The following AASDH variants were observed in gnomAD, a reference collection of about 807,000 sequenced individuals.
AASDH encodes beta-alanine-activating enzyme.
A neutral mutation model predicts 102.3 loss-of-function variants in AASDH; 81 were observed. That is an observed-to-expected ratio of 0.79 (90% CI 0.66 to 0.95). The LOEUF (loss-of-function observed/expected upper bound fraction) is 0.95, where lower values mean the gene tolerates loss of function less well. Among genes scored for constraint, AASDH ranks in the 40% least tolerant of loss-of-function variants. The pLI, the probability that AASDH is intolerant of heterozygous loss-of-function variation, is 0.00. For synonymous variants in AASDH, 398 were observed against 454.0 expected (o/e 0.88, Z 1.57); for missense variants, 1,203 against 1,266.2 (o/e 0.95, Z 0.76).
intron 14 of AASDH, among the ~76,000 whole-genome samples, chr4:56,339,196 C>T (rs1747317419): frequency 6.6e-6 from 1 of 151,756 alleles, no homozygotes; most frequent in Non-Finnish European, 1.5e-5. Context: ...CTCTGTCGCC[C>T]AGGCTGGAGT....
chr4:56,349,103 C>T, intron 11 of AASDH, 160 bp downstream of exon 11: 1 of 760,392 alleles, frequency 1.3e-6, no homozygotes, highest in Non-Finnish European at 2.1e-6. Flanking sequence ...GACTCTTGAC[C>T]CCAAGGCCCA....
chr4:56,354,614 T>C (rs996185539), intron 7 of AASDH, 91 bp downstream of exon 7: 9 of 926,692 alleles, frequency 9.7e-6, no homozygotes, highest in Middle Eastern at 2.9e-4. Context: ...AAGCATGAGA[T>C]AGACAAAAGA....
At position 56,338,618 on chromosome 4, in the gene AASDH, G is replaced by T. The variant is rs924549535; in HGVS notation, c.3081C>A (p.Phe1027Leu). 1 of 1,614,148 alleles carries T rather than the reference G, an allele frequency of 6.2e-7. No homozygotes were observed. Among genetic ancestry groups the T allele is most frequent in the African/African-American group, 1.3e-5 (1 of 75,038 alleles). The change falls in exon 15 of 15, where the codon TTC (phenylalanine) becomes TTA (leucine). Residue 1027 changes from phenylalanine to leucine, a missense_variant. Transcript: ENST00000205214. The part of the protein sequence containing the change: ...TSRVYATPFA[F>L]HNYNGSNEML... ...TTTCATTGCTGCCATTGTAGTTATG[G>T]AAAGCAAACGGTGTTGCATAGACCC... is the stretch of plus-strand genomic sequence containing the variant.
intron 5 of AASDH, among the ~76,000 whole-genome samples, chr4:56,363,654 T>C (rs901240860): frequency 6.6e-6 from 1 of 152,134 alleles, no homozygotes; most frequent in African/African-American, 2.4e-5. Flanking sequence ...GACCTGCAGC[T>C]GGGGGTCCTG....
rs781645957 is a variant in AASDH, at chr4:56,349,980, T to C, written c.1771A>G (p.Lys591Glu). 4.3e-6 allele frequency: 7 copies of C among 1,612,834 alleles called. No homozygotes were observed. The highest frequency in any genetic ancestry group is 5.9e-6 in the Non-Finnish European group (7 of 1,180,016). The change falls in exon 11 of 15, where the codon AAG becomes GAG. Residue 591 changes from lysine (K) to glutamate (E), a missense_variant. Lys to Glu is a moderately conservative substitution (Grantham distance 56, BLOSUM62 1). Coordinates refer to ENST00000205214, the MANE Select transcript of AASDH (RefSeq NM_181806.4). ...LFLNSGGDSL[K>E]SIRLLSEIEK... is the part of the protein sequence containing the mutation. ...ATCTCACTGAGGAGCCGGATGGACT[T>C]TAAGGAATCTCCACCACTATTTAAG...
rs1046496650 is a variant in AASDH at position 56,343,047 on chromosome 4, T to TC, written c.2776-82dup. On this transcript the variant is annotated intron_variant, in intron 13 of 14. Coordinates refer to ENST00000205214, the MANE Select transcript of AASDH (RefSeq NM_181806.4). Reference sequence around the variant, plus strand: ...CCTTTAAAAAACAAACTCATACATCTCCTAGGGTTAGAACTAAAATAGCAG... The same window carrying TC: ...CCTTTAAAAAACAAACTCATACATCTCCCTAGGGTTAGAACTAAAATAGCAG... The TC allele has an allele frequency of 2.5e-5, 33 of 1,312,584 alleles. No individual in the cohort carries two copies. In the Admixed American group the frequency reaches 8.9e-4, roughly 35 times the overall value. 81.3% of individuals were successfully genotyped at this position (1,312,584 alleles called of 1,614,324 possible). A position where few individuals can be genotyped will look rare whatever the true frequency, so the allele number is the denominator to read the frequency against.
intron 3 of AASDH, among the ~76,000 whole-genome samples, chr4:56,380,567 A>G (rs186612165): frequency 7.9e-5 from 12 of 152,292 alleles, no homozygotes; most frequent in African/African-American, 2.9e-4. Flanking sequence ...AAATTCTACT[A>G]TATCTACTAG....
intron 10 of AASDH, 79 bp from the exon 11 acceptor site, chr4:56,350,137 G>C (rs1748835306): frequency 7.8e-6 from 9 of 1,159,204 alleles, no homozygotes; most frequent in Middle Eastern, 2.9e-4. Context: ...GTAATATATA[G>C]AGATGAGAGT....
rs568727760 is a variant in AASDH at position 56,372,757 on chromosome 4, A to T, written c.669-1114T>A. ...AGGCTCACAGCCCACACTCTTATAA[A>T]CAAAAGACAGTTTAACAACAGAAAA... On this transcript the variant is annotated intron_variant, in intron 4 of 14. Transcript: ENST00000205214. Among the ~76,000 whole-genome samples the T allele has an allele frequency of 3.3e-5, 5 of 152,336 alleles. No individual in the cohort carries two copies. The South Asian group carries it at 1.0e-3, about 32-fold the overall frequency.
In AASDH at chr4:56,354,715, T is replaced by C. The variant is rs1412458744; in HGVS notation, c.1200A>G (p.Gln400=). The C allele has an allele frequency of 3.1e-6, 5 of 1,597,732 alleles. No homozygotes were observed. The highest frequency in any genetic ancestry group is 3.4e-6 in the Non-Finnish European group (4 of 1,173,960). The change falls in exon 7 of 15, where the codon CAA becomes CAG. Residue 400 remains glutamine (Q), a synonymous_variant. Transcript: ENST00000205214. ...CAAATATAAAACAACCTAAAAATAC[T>C]TGGCCACTGCCTTCCTGAATTGTGA... ...NGFTIQEGSG[Q]VFLGGRNRVC...
intron 14 of AASDH, among the ~76,000 whole-genome samples, chr4:56,342,039 G>A (rs1327504318): frequency 2.7e-5 from 4 of 149,266 alleles, no homozygotes; most frequent in East Asian, 2.0e-4. Context: ...TTGAACCCGT[G>A]AGGCGGAGGT....
At position 56,350,022 on chromosome 4, in the gene AASDH, G is replaced by T. The variant is rs538320593; in HGVS notation, c.1729C>A (p.Pro577Thr). The change falls in exon 11 of 15, where the codon CCT (proline) becomes ACT (threonine). Residue 577 changes from proline to threonine, a missense_variant. By Grantham distance (38) the Pro-to-Thr change is conservative. Transcript: ENST00000205214. ...LNLPEDLLRV[P>T]DESLFLNSGG... ...CTATTTAAGAAGAGTGACTCATCAG[G>T]AACCCTCAAAAGATCTTCTGGGAGA... The T allele has an allele frequency of 6.2e-7, 1 of 1,603,242 alleles. No individual in the cohort carries two copies. Among genetic ancestry groups the T allele is most frequent in the South Asian group, 1.1e-5 (1 of 89,850 alleles).
chr4:56,384,669 CAAT>C (rs1389917452), intron 1 of AASDH, among the ~76,000 whole-genome samples: 3 of 151,916 alleles, frequency 2.0e-5, no homozygotes, highest in Non-Finnish European at 4.4e-5. Context: ...AAAAATTAAT[CAAT>C]AAAATCAAAT....
chr4:56,346,440 A>G (rs953022446), intron 11 of AASDH, among the ~76,000 whole-genome samples: 1 of 152,174 alleles, frequency 6.6e-6, no homozygotes, highest in Admixed American at 6.5e-5. Context: ...ACAATACAAA[A>G]GAAAATCTTT....
chr4:56,345,043 G>C, intron 12 of AASDH, 84 bp downstream of exon 12: 7 of 1,415,640 alleles, frequency 4.9e-6, no homozygotes, highest in Non-Finnish European at 5.7e-6. Context: ...CCAGGTTCAC[G>C]CAATCCTCCC....
intron 5 of AASDH, among the ~76,000 whole-genome samples, chr4:56,361,321 A>G (rs1750261443): frequency 6.6e-6 from 1 of 152,152 alleles, no homozygotes. Context: ...AGGCATGAGA[A>G]TCACTTGAAC....
intron 3 of AASDH, among the ~76,000 whole-genome samples, chr4:56,380,032 A>G (rs990589235): frequency 6.6e-6 from 1 of 152,250 alleles, no homozygotes; most frequent in Admixed American, 6.5e-5. Flanking sequence ...GGACAGAATA[A>G]TAAATGAGAT....
chr4:56,355,150 T>C (rs537753973), intron 6 of AASDH, 32 bp downstream of exon 6: 17 of 1,592,236 alleles, frequency 1.1e-5, no homozygotes, highest in Non-Finnish European at 1.5e-5. Context: ...ATACAGTCTC[T>C]CTTCTCTATA....
intron 12 of AASDH, 84 bp downstream of exon 12, chr4:56,345,043 G>A (rs1185986033): frequency 1.1e-5 from 15 of 1,415,526 alleles, no homozygotes; most frequent in South Asian, 2.7e-5. Flanking sequence ...CCAGGTTCAC[G>A]CAATCCTCCC....
Sources: allele counts gnomAD v4.1 joint callset (sites outside exome capture counted in the v4.1 genomes callset), GRCh38; gene constraint gnomAD v4.1.1; transcripts MANE v1.5; gene names NCBI Gene and HGNC (gene_info 2026-07-23, HGNC 2026-07-21).